ZKSCAN4: variants seen among roughly 807,000 people sequenced by gnomAD.
ZKSCAN4 encodes zinc finger protein with KRAB and SCAN domains 4.
ZKSCAN4 carries 23 observed loss-of-function variants against 30.8 expected under a neutral mutation model. That is an observed-to-expected ratio of 0.75 (90% CI 0.54 to 1.06). The LOEUF (loss-of-function observed/expected upper bound fraction) is 1.06, where lower values mean the gene tolerates loss of function less well. Ranked by LOEUF, ZKSCAN4 falls within the 50% of genes least tolerant of loss-of-function variation. The pLI is 0.00. For synonymous variants in ZKSCAN4, 208 were observed against 252.5 expected (o/e 0.82, Z 1.67); for missense variants, 556 against 665.4 (o/e 0.84, Z 1.81).
upstream of ZKSCAN4, among the ~76,000 whole-genome samples, chr6:28,256,297 C>T (rs1021057424): frequency 6.6e-6 from 1 of 152,046 alleles, no homozygotes; most frequent in African/African-American, 2.4e-5. Flanking sequence ...AGCATGGTGG[C>T]ACACAGCTGT....
At position 28,245,844 on chromosome 6, in the gene ZKSCAN4, C is replaced by T. The variant is rs1760702513; in HGVS notation, c.910G>A (p.Glu304Lys). 4 of 1,614,200 alleles carry T rather than the reference C, an allele frequency of 2.5e-6. No homozygotes were observed. Among genetic ancestry groups the T allele is most frequent in the Non-Finnish European group, 3.4e-6 (4 of 1,180,024 alleles). ...IPTHAEAGEQ[E>K]GRLQRKQKNA... ...TTCTGCTTTCTTTGTAACCTGCCCTCCTGTTCACCAGCTTCTGCATGTGTA... is the reference window on the plus strand; with the variant it reads ...TTCTGCTTTCTTTGTAACCTGCCCTTCTGTTCACCAGCTTCTGCATGTGTA... Residue 304 changes from glutamate (E) to lysine (K), a missense_variant, in exon 5 of 5, where the codon GAG becomes AAG. By Grantham distance (56) the Glu-to-Lys change is moderately conservative (BLOSUM62 1). Transcript: ENST00000377294.
chr6:28,250,063 GT>G (rs1393343996), intron 1 of ZKSCAN4, among the ~76,000 whole-genome samples: 3 of 149,064 alleles, frequency 2.0e-5, no homozygotes, highest in East Asian at 2.0e-4. Context: ...GTTGTTGTTG[GT>G]TTTTTTGTTT....
rs766806060 is a variant in ZKSCAN4, at chr6:28,244,586, C to T, written c.*530G>A. On this transcript the variant is annotated 3_prime_UTR_variant, in exon 5 of 5. Transcript: ENST00000377294. ...GAGAATAATACATAAATTCAAATGG[C>T]ATAAGTTAGAAATTTCTCAGAAATA... The T allele has an allele frequency of 4.7e-5, 8 of 170,924 alleles. No homozygotes were observed. Among genetic ancestry groups the T allele is most frequent in the Non-Finnish European group, 1.0e-4 (8 of 77,156 alleles). 10.6% of individuals were successfully genotyped at this position (170,924 alleles called of 1,614,324 possible).
At position 28,246,654 on chromosome 6, in the gene ZKSCAN4, C is replaced by G. The variant is rs3817820; in HGVS notation, c.778+315G>C. Among the ~76,000 whole-genome samples the G allele has an allele frequency of 4.5e-4, 68 of 152,252 alleles. No homozygotes were observed. The East Asian group carries it at 5.4e-3, about 12-fold the overall frequency. ...GGCCCATTTCCTGAAGAGGCCCCCC[C>G]CTCCCCGCAGCTTTCCTCTTCAGTC... On this transcript the variant is annotated intron_variant, in intron 4 of 4. Coordinates refer to ENST00000377294, the MANE Select transcript of ZKSCAN4 (RefSeq NM_019110.5).
At position 28,246,110 on chromosome 6, in the gene ZKSCAN4, A is replaced by G. The variant is rs2113675845; in HGVS notation, c.779-135T>C. 4 of 1,254,462 alleles carry G rather than the reference A, an allele frequency of 3.2e-6. No homozygotes were observed. The East Asian group carries it at 9.3e-5, about 29-fold the overall frequency. 77.7% of individuals were successfully genotyped at this position (1,254,462 alleles called of 1,614,324 possible). A position where few individuals can be genotyped will look rare whatever the true frequency, so the allele number is the denominator to read the frequency against. ...TGAGGATTTAAGTGCTAGAATAAGA[A>G]TGGGAATAAAAAGGGAGAACAGGGG... On this transcript the variant is annotated intron_variant, in intron 4 of 4. Coordinates refer to ENST00000377294, the MANE Select transcript of ZKSCAN4 (RefSeq NM_019110.5).
rs1486454898 is a variant in ZKSCAN4, at chr6:28,248,155, A to G, written c.572-6T>C. 1 of 1,611,254 alleles carries G rather than the reference A, an allele frequency of 6.2e-7. No homozygotes were observed. The highest frequency in any genetic ancestry group is 1.3e-5 in the African/African-American group (1 of 74,838). On this transcript the variant is annotated splice_region_variant and splice_polypyrimidine_tract_variant and intron_variant, in intron 2 of 4. Coordinates refer to ENST00000377294, the MANE Select transcript of ZKSCAN4 (RefSeq NM_019110.5). The stretch of plus-strand genomic sequence containing the variant: ...AAGCCCAGGAACCTGGAGAACTAAG[A>G]AAGAAAGAAGCTCTGGATGAGAACT...
At position 28,247,078 on chromosome 6, in the gene ZKSCAN4, C is replaced by T; in HGVS notation, c.669G>A (p.Met223Ile). Residue 223 changes from methionine (M) to isoleucine (I), a missense_variant, in exon 4 of 5, where the codon ATG becomes ATA. Transcript: ENST00000377294. ...LTPGSQGLLK[M>I]EDVALTLTPG... ...GAGTGAGGGTCAGGGCCACATCTTC[C>T]ATTTTCAGCAAACCCTAAAACAATA... The T allele has an allele frequency of 6.2e-7, 1 of 1,609,118 alleles. No individual in the cohort carries two copies. Among genetic ancestry groups the T allele is most frequent in the South Asian group, 1.1e-5 (1 of 89,954 alleles).
rs1237686356 is a variant in ZKSCAN4, at chr6:28,244,051, A to G, written c.*1065T>C. Among the ~76,000 whole-genome samples, 1 of 152,132 alleles carries G rather than the reference A, an allele frequency of 6.6e-6. No homozygotes were observed. Among genetic ancestry groups the G allele is most frequent in the East Asian group, 1.9e-4 (1 of 5,198 alleles). ...AACCTGATCTTCCTGTCCCCAACTGACAGGGCAGTTTTGAAACCATGAATA... is the reference window on the plus strand; with the variant it reads ...AACCTGATCTTCCTGTCCCCAACTGGCAGGGCAGTTTTGAAACCATGAATA... On this transcript the variant is annotated 3_prime_UTR_variant, in exon 5 of 5. Transcript: ENST00000377294.
upstream of ZKSCAN4, among the ~76,000 whole-genome samples, chr6:28,255,812 G>A (rs544664522): frequency 6.6e-6 from 1 of 151,960 alleles, no homozygotes; most frequent in Non-Finnish European, 1.5e-5. Flanking sequence ...TGGGCCCTGG[G>A]GGGTAAAGGC....
intron 3 of ZKSCAN4, 70 bp downstream of exon 3, chr6:28,247,997 G>C: frequency 8.7e-7 from 1 of 1,151,028 alleles, no homozygotes; most frequent in Admixed American, 2.3e-5. Context: ...GGGGAGGGAG[G>C]AACTTAATGC....
At position 28,249,900 on chromosome 6, in the gene ZKSCAN4, A is replaced by G. The variant is rs147090204; in HGVS notation, c.424-66T>C. 42 of 1,563,200 alleles carry G rather than the reference A, an allele frequency of 2.7e-5. No individual in the cohort carries two copies. The African/African-American group carries it at 4.6e-4, about 17-fold the overall frequency. On this transcript the variant is annotated intron_variant, in intron 1 of 4. Transcript: ENST00000377294. The surrounding 1 kb of genome is among the most constrained non-coding windows in gnomAD (Gnocchi z 4.1). ...TGTTTTCCATGTGCAAGTGATTTCT[A>G]TTTTCTAGGCACTGTTTCTACAAGC...
upstream of ZKSCAN4, among the ~76,000 whole-genome samples, chr6:28,256,520 G>A (rs1761181190): frequency 6.6e-6 from 1 of 152,234 alleles, no homozygotes; most frequent in African/African-American, 2.4e-5. Flanking sequence ...AAGGTTACCT[G>A]TGAGAACAAT....
chr6:28,253,486 G>A (rs1679732), upstream of ZKSCAN4, among the ~76,000 whole-genome samples: 127,049 of 152,226 alleles, frequency 0.83, 53,361 homozygotes, highest in Middle Eastern at 0.96. The surrounding 1 kb of genome is among the most constrained non-coding windows in gnomAD (Gnocchi z 4.2). Flanking sequence ...CAGAAGGTAG[G>A]GGGCACTGCC....
rs374094166 is a variant in ZKSCAN4, at chr6:28,249,857, A to G, written c.424-23T>C. On this transcript the variant is annotated intron_variant, in intron 1 of 4. Transcript: ENST00000377294. The surrounding 1 kb of genome is among the most constrained non-coding windows in gnomAD (Gnocchi z 4.1). ...AACCTAGAAGTCACGATTTTTAGTTATCTACCCAACATTTCTATGTTTTCC... is the reference window on the plus strand; with the variant it reads ...AACCTAGAAGTCACGATTTTTAGTTGTCTACCCAACATTTCTATGTTTTCC... 2.0e-5 allele frequency: 32 copies of G among 1,612,000 alleles called. No homozygotes were observed. Among genetic ancestry groups the G allele is most frequent in the Non-Finnish European group, 2.7e-5 (32 of 1,179,350 alleles).
In ZKSCAN4 at chr6:28,243,405, C is replaced by T. The variant is rs753305616; in HGVS notation, c.*1711G>A. Among the ~76,000 whole-genome samples, 1 of 152,166 alleles carries T rather than the reference C, an allele frequency of 6.6e-6. No individual in the cohort carries two copies. The highest frequency in any genetic ancestry group is 2.4e-5 in the African/African-American group (1 of 41,434). On this transcript the variant is annotated 3_prime_UTR_variant, in exon 5 of 5. Transcript: ENST00000377294. The stretch of plus-strand genomic sequence containing the variant: ...AATAAAACATGGTCAGGGATTTCAT[C>T]AGAAGCAGAATCCATTCATGACAGT...
rs1760914418 is a variant in ZKSCAN4 at position 28,249,884 on chromosome 6, T to C, written c.424-50A>G. On this transcript the variant is annotated intron_variant, in intron 1 of 4. Transcript: ENST00000377294. The surrounding 1 kb of genome is among the most constrained non-coding windows in gnomAD (Gnocchi z 4.1). ...CTACCCAACATTTCTATGTTTTCCA[T>C]GTGCAAGTGATTTCTATTTTCTAGG... 1.9e-6 allele frequency: 3 copies of C among 1,599,506 alleles called. No homozygotes were observed. Among genetic ancestry groups the C allele is most frequent in the Non-Finnish European group, 2.6e-6 (3 of 1,171,918 alleles).
rs778853781 is a variant in ZKSCAN4 at position 28,245,793 on chromosome 6, A to G, written c.961T>C (p.Tyr321His). The part of the protein sequence containing the change: ...QKNAIGSRRH[Y>H]CHECGKSFAQ... ...AAACTCTTTCCACATTCATGGCAAT[A>G]ATGTCGCCTACTCCCTATGGCATTT... Residue 321 changes from tyrosine to histidine, a missense_variant, in exon 5 of 5, where the codon TAT becomes CAT. Tyr to His is a moderately conservative substitution (Grantham distance 83, BLOSUM62 2). Transcript: ENST00000377294. 3.7e-6 allele frequency: 6 copies of G among 1,614,090 alleles called. No homozygotes were observed. In the South Asian group the frequency reaches 6.6e-5, roughly 18 times the overall value.
At chr6:28,257,801 G>A in the ZKSCAN4 span, among the ~76,000 whole-genome samples, 56 of 152,152 alleles carry the variant, frequency 3.7e-4, no homozygotes, top group African/African-American at 4.3e-4. Flanking sequence ...TTCCTGTGTC[G>A]CTACCTGAAA....
chr6:28,245,831 T>G lies in ZKSCAN4; in HGVS notation c.923A>C (p.Gln308Pro), dbSNP rs1760700562. ...CCCTATGGCATTTTTCTGCTTTCTT[T>G]GTAACCTGCCCTCCTGTTCACCAGC... ...AEAGEQEGRL[Q>P]RKQKNAIGSR... The change falls in exon 5 of 5, where the codon CAA becomes CCA. Residue 308 changes from glutamine (Q) to proline (P), a missense_variant. Physicochemically the swap from Gln to Pro is moderately conservative, Grantham distance 76. Around this residue, in one of 3 missense-constraint regions of ZKSCAN4, gnomAD observed 433 missense variants for 511.5 expected, o/e 0.85. Transcript: ENST00000377294. 1.2e-6 allele frequency: 2 copies of G among 1,614,258 alleles called. No homozygotes were observed. Among genetic ancestry groups the G allele is most frequent in the Non-Finnish European group, 1.7e-6 (2 of 1,180,042 alleles).
Sources: gnomAD v4.1 joint callset for allele counts (sites outside exome capture counted in the v4.1 genomes callset) on GRCh38, gnomAD v4.1.1 for gene constraint, gnomAD v4.1.1 regional missense constraint, Gnocchi (gnomAD v3.1) non-coding constraint, MANE v1.5 for transcripts, NCBI Gene and HGNC (gene_info 2026-07-23, HGNC 2026-07-21) for gene names.